Variants in ABR observed in about 807,000 individuals in gnomAD.
The protein encoded by ABR is active breakpoint cluster region-related protein.
Under a neutral mutation model 107.2 loss-of-function variants are expected in ABR, and 35 were observed. The ratio of observed to expected loss-of-function variants is 0.33; its 90% CI spans 0.25 to 0.43. The LOEUF (loss-of-function observed/expected upper bound fraction) is 0.43, where lower values mean the gene tolerates loss of function less well. Ranked by LOEUF, ABR falls within the 20% of genes least tolerant of loss-of-function variation. ABR has a pLI of 1.00. For missense variants in ABR, 815 were observed against 1,115.2 expected (o/e 0.73, Z 3.83); for synonymous variants, 498 against 462.0 (o/e 1.08, Z -1.00).
At chr17:1,103,485 G>A (rs564469728) in intron 2 of ABR, among the ~76,000 whole-genome samples, 1 of 152,306 alleles carries the variant, frequency 6.6e-6, no homozygotes, top group East Asian at 1.9e-4. Flanking sequence ...CACACCGTGA[G>A]CTGTAACTGT....
In ABR at chr17:1,050,544, C is replaced by T. The variant is rs1353420135; in HGVS notation, c.1652G>A (p.Trp551Ter). The change falls in exon 15 of 23, where the codon TGG becomes TAG. Residue 551 changes from tryptophan (W) to a stop codon, truncating the protein, a stop_gained. Coordinates refer to ENST00000302538, the MANE Select transcript of ABR (RefSeq NM_021962.5). LOFTEE classifies it high-confidence loss of function. This position sits in a 1 kb window ranked among gnomAD's most constrained non-coding sequence, Gnocchi z 4.6. ...CCAGCCCCTGCCACTCACCTCATCC[C>T]ACTTGGGCTCCGCTGTGTCCCGGAA... Reference protein sequence around the residue: ...RVFRDTAEPKWDEEFEIELEG... With the variant: ...RVFRDTAEPK The T allele has an allele frequency of 6.2e-7, 1 of 1,613,990 alleles. No individual in the cohort carries two copies. The highest frequency in any genetic ancestry group is 8.5e-7 in the Non-Finnish European group (1 of 1,179,954).
chr17:1,187,752 G>A (rs1267168256), upstream of ABR, among the ~76,000 whole-genome samples: 1 of 151,812 alleles, frequency 6.6e-6, no homozygotes, highest in African/African-American at 2.4e-5. Flanking sequence ...AAAGTAGCCG[G>A]GCATGGTGGT....
chr17:1,108,858 T>A (rs1409642646), intron 2 of ABR: 5 of 1,446,790 alleles, frequency 3.5e-6, no homozygotes, highest in East Asian at 2.9e-5. Flanking sequence ...TGCGCCCGCA[T>A]CAGCCATTTC....
chr17:1,020,549 G>A (rs534714067), intron 16 of ABR, among the ~76,000 whole-genome samples: 124 of 152,306 alleles, frequency 8.1e-4, no homozygotes, highest in African/African-American at 2.8e-3. Context: ...ATGGGGCTCC[G>A]TCACCTCCGA....
At position 1,071,526 on chromosome 17, in the gene ABR, C is replaced by T. The variant is rs2035236705; in HGVS notation, c.894+1088G>A. On this transcript the variant is annotated intron_variant, in intron 8 of 22. Transcript: ENST00000302538. The surrounding 1 kb of genome is among the most constrained non-coding windows in gnomAD (Gnocchi z 5.1). Reference sequence around the variant, plus strand: ...ACTCCCCTTGCTGGGCTGTCCCCACCCTTGCATCAAGAAGGGCCCCCAGGG... The same window carrying T: ...ACTCCCCTTGCTGGGCTGTCCCCACTCTTGCATCAAGAAGGGCCCCCAGGG... Among the ~76,000 whole-genome samples, 1 of 152,230 alleles carries T rather than the reference C, an allele frequency of 6.6e-6. No homozygotes were observed. Among genetic ancestry groups the T allele is most frequent in the African/African-American group, 2.4e-5 (1 of 41,462 alleles).
chr17:1,119,788 G>C (rs888698926), intron 2 of ABR, among the ~76,000 whole-genome samples: 1 of 152,224 alleles, frequency 6.6e-6, no homozygotes, highest in Non-Finnish European at 1.5e-5. Context: ...GCGTGTGAGC[G>C]GGACCTGACA....
At chr17:1,159,644 C>T (rs374180046) in intron 1 of ABR, among the ~76,000 whole-genome samples, 29 of 107,998 alleles carry the variant, frequency 2.7e-4, no homozygotes, top group African/African-American at 5.2e-4. Flanking sequence ...GGGAAGTATG[C>T]GGTACTCACA....
At chr17:1,061,639 C>T (rs535102838) in intron 10 of ABR, among the ~76,000 whole-genome samples, 140 of 152,132 alleles carry the variant, frequency 9.2e-4, no homozygotes, top group East Asian at 6.6e-3. Context: ...CTCCACCTCC[C>T]GGGTTCACAC....
chr17:1,022,121 A>AAAAAAAAAACC (rs2071733854), intron 16 of ABR, among the ~76,000 whole-genome samples: 2 of 80,852 alleles, frequency 2.5e-5, no homozygotes, highest in Non-Finnish European at 4.4e-5. Flanking sequence ...AAAAAAAAAA[A>AAAAAAAAAACC]AAAACAGAAA....
chr17:1,023,622 C>T (rs533282555), intron 16 of ABR, among the ~76,000 whole-genome samples: 1 of 152,332 alleles, frequency 6.6e-6, no homozygotes, highest in East Asian at 1.9e-4. Context: ...GATGAGAGGC[C>T]TTCTGTGGTC....
At chr17:1,226,703 G>A (rs796418159) in intron 1 of ABR, among the ~76,000 whole-genome samples, 40 of 118,694 alleles carry the variant, frequency 3.4e-4, no homozygotes, top group African/African-American at 1.2e-3. Context: ...GCAGGTGTGT[G>A]TGTGTGCATG....
At chr17:1,224,986 A>G (rs1191148636) in intron 1 of ABR, among the ~76,000 whole-genome samples, 1 of 151,860 alleles carries the variant, frequency 6.6e-6, no homozygotes, top group Non-Finnish European at 1.5e-5. Flanking sequence ...TGTCTCTACT[A>G]AAAATACAAA....
In ABR at chr17:1,083,501, T is replaced by C. The variant is rs1423084872; in HGVS notation, c.639+19A>G. 6.4e-7 allele frequency: 1 copy of C among 1,568,970 alleles called. No individual in the cohort carries two copies. Among genetic ancestry groups the C allele is most frequent in the Non-Finnish European group, 8.7e-7 (1 of 1,149,222 alleles). On this transcript the variant is annotated intron_variant, in intron 5 of 22. Transcript: ENST00000302538. The stretch of plus-strand genomic sequence containing the variant: ...AAAGCTCCTTGTCCCTCAGGGTGGC[T>C]ATGTGGGGAGCGGCCTACCTCTGAG...
chr17:1,008,655 G>A (rs2070259271), intron 21 of ABR, among the ~76,000 whole-genome samples: 1 of 152,240 alleles, frequency 6.6e-6, no homozygotes, highest in Non-Finnish European at 1.5e-5. Context: ...GGCGCGTCCA[G>A]GTCTCCACTG....
chr17:1,161,351 C>T (rs2041284525), intron 1 of ABR, among the ~76,000 whole-genome samples: 1 of 151,902 alleles, frequency 6.6e-6, no homozygotes, highest in Admixed American at 6.6e-5. Context: ...ACATGATCCT[C>T]CCACCTCAGC....
At chr17:1,045,775 G>A (rs1463489283) in intron 16 of ABR, among the ~76,000 whole-genome samples, 1 of 152,202 alleles carries the variant, frequency 6.6e-6, no homozygotes, top group African/African-American at 2.4e-5. Context: ...CAATATACTC[G>A]TCTTTCCAAT....
In ABR at chr17:1,011,886, C is replaced by A; in HGVS notation, c.2061G>T (p.Val687=). The change falls in exon 19 of 23, where the codon GTG becomes GTT. Residue 687 remains valine (V), a synonymous_variant. Coordinates refer to ENST00000302538, the MANE Select transcript of ABR (RefSeq NM_021962.5). This position sits in a 1 kb window ranked among gnomAD's most constrained non-coding sequence, Gnocchi z 4.8. ...CCTTGAGCGCCTGGATGTCCGTGGC[C>A]ACGCCCGATATCCTGTAGATGCCAA... The part of the protein sequence containing the change: ...EEVGIYRISG[V]ATDIQALKAV... The A allele has an allele frequency of 6.2e-7, 1 of 1,601,888 alleles. No individual in the cohort carries two copies. Among genetic ancestry groups the A allele is most frequent in the Non-Finnish European group, 8.5e-7 (1 of 1,171,108 alleles).
chr17:1,099,991 TGGC>T (rs753169537), intron 3 of ABR, among the ~76,000 whole-genome samples: 2 of 152,000 alleles, frequency 1.3e-5, no homozygotes, highest in Non-Finnish European at 2.9e-5. Flanking sequence ...CCAGGACTGG[TGGC>T]GTGCACGTGC....
intron 16 of ABR, 63 bp from the exon 17 acceptor site, chr17:1,013,227 G>A (rs534908325): frequency 4.8e-5 from 72 of 1,504,294 alleles, no homozygotes; most frequent in East Asian, 4.5e-4. Flanking sequence ...AGATCTCCCC[G>A]TGGGTCAGCA....
Sources: allele counts gnomAD v4.1 joint callset (sites outside exome capture counted in the v4.1 genomes callset), GRCh38; gene constraint gnomAD v4.1.1; non-coding constraint Gnocchi (gnomAD v3.1); transcripts MANE v1.5; gene names NCBI Gene and HGNC (gene_info 2026-07-23, HGNC 2026-07-21).